JMY: variants seen among roughly 807,000 people sequenced by gnomAD.
JMY encodes the protein junction mediating and regulatory protein, p53 cofactor.
Under a neutral mutation model 103.3 loss-of-function variants are expected in JMY, and 46 were observed. That is an observed-to-expected ratio of 0.45 (90% CI 0.35 to 0.57). The LOEUF is 0.57. Among genes scored for constraint, JMY ranks in the 20% least tolerant of loss-of-function variants. The pLI is 0.00. For synonymous variants in JMY, 526 were observed against 489.3 expected (o/e 1.07, Z -0.99); for missense variants, 1,238 against 1,255.2 (o/e 0.99, Z 0.21).
chr5:79,272,036 C>T (rs890958132), intron 1 of JMY, among the ~76,000 whole-genome samples: 10 of 151,498 alleles, frequency 6.6e-5, no homozygotes, highest in East Asian at 1.9e-4. Flanking sequence ...TGCTTGAACC[C>T]GGGAGGTGGA....
Position 79,237,598 on chromosome 5 carries a change from C to T in JMY, c.948C>T (p.Pro316=), listed in dbSNP as rs762589277. The change falls in exon 1 of 11, where the codon CCC becomes CCT. Residue 316 remains proline, a synonymous_variant. Transcript: ENST00000396137. ...TGCTCTTCACCGAGACCGATGATCC[C>T]GAGGAGTATTACGAAAGCCTCAGCG... is the stretch of plus-strand genomic sequence containing the variant. ...SQVLFTETDD[P]EEYYESLSEL... is the part of the protein sequence containing the mutation. The T allele has an allele frequency of 1.2e-6, 2 of 1,613,684 alleles. No homozygotes were observed. The highest frequency in any genetic ancestry group is 1.7e-6 in the Non-Finnish European group (2 of 1,180,004).
intron 2 of JMY, among the ~76,000 whole-genome samples, chr5:79,280,288 C>T (rs541462032): frequency 6.6e-6 from 1 of 152,196 alleles, no homozygotes; most frequent in Non-Finnish European, 1.5e-5. Flanking sequence ...TAGCACAGCA[C>T]TGACTATCCA....
intron 7 of JMY, among the ~76,000 whole-genome samples, chr5:79,310,116 G>A (rs986398341): frequency 7.6e-5 from 9 of 118,716 alleles, no homozygotes; most frequent in African/African-American, 3.1e-4. Context: ...AGGCTGAAGT[G>A]CAGTGGTGCC....
intron 1 of JMY, 30 bp downstream of exon 1, chr5:79,237,712 T>C (rs927142460): frequency 2.5e-6 from 4 of 1,573,388 alleles, no homozygotes; most frequent in Non-Finnish European, 3.5e-6. Context: ...GTCTGGGCTC[T>C]ACTGGTCGCT....
At chr5:79,260,073 A>G (rs1340572176) in intron 1 of JMY, among the ~76,000 whole-genome samples, 2 of 152,184 alleles carry the variant, frequency 1.3e-5, no homozygotes, top group East Asian at 1.9e-4. Flanking sequence ...AGTGTCTCCC[A>G]GGACAGTGGT....
Position 79,236,999 on chromosome 5 carries a change from C to A in JMY, c.349C>A (p.Arg117=), listed in dbSNP as rs556304176. The A allele has an allele frequency of 6.8e-7, 1 of 1,476,286 alleles. No homozygotes were observed. Among genetic ancestry groups the A allele is most frequent in the South Asian group, 1.4e-5 (1 of 72,138 alleles). The allele number at this position is 1,476,286 out of a possible 1,614,324, so 91.4% of individuals were successfully genotyped here. The change falls in exon 1 of 11, where the codon CGG becomes AGG. Residue 117 remains arginine, a synonymous_variant. Transcript: ENST00000396137. ...SSAWAEGGSP[R]STRSLLGDPR... is the part of the protein sequence containing the mutation. ...GGCCTGGGCGGAGGGCGGCTCTCCTCGGAGCACTCGCAGCCTTCTGGGGGA... is the reference window on the plus strand; with the variant it reads ...GGCCTGGGCGGAGGGCGGCTCTCCTAGGAGCACTCGCAGCCTTCTGGGGGA...
At chr5:79,295,136 T>G (rs147068199) in intron 4 of JMY, among the ~76,000 whole-genome samples, 6 of 152,288 alleles carry the variant, frequency 3.9e-5, no homozygotes, top group African/African-American at 1.2e-4. Flanking sequence ...GGATATGAGC[T>G]TAGGATTTGG....
intron 1 of JMY, among the ~76,000 whole-genome samples, chr5:79,244,041 C>A (rs569554251): frequency 6.6e-6 from 1 of 151,170 alleles, no homozygotes; most frequent in African/African-American, 2.4e-5. Context: ...TGCTCTGTCA[C>A]CCAGGCTGGA....
intron 1 of JMY, among the ~76,000 whole-genome samples, chr5:79,275,371 C>G (rs1207065096): frequency 6.6e-6 from 1 of 152,002 alleles, no homozygotes; most frequent in South Asian, 2.1e-4. Context: ...CCATGTTAGC[C>G]AGGATGTTGT....
In JMY at chr5:79,316,002, A is replaced by C. The variant is rs1747205311; in HGVS notation, c.2662A>C (p.Ser888Arg). 1 of 1,612,802 alleles carries C rather than the reference A, an allele frequency of 6.2e-7. No individual in the cohort carries two copies. The change falls in exon 10 of 11, where the codon AGC (serine) becomes CGC (arginine). Residue 888 changes from serine (S) to arginine (R), a missense_variant and splice_region_variant. Ser to Arg is a moderately radical substitution (Grantham distance 110, BLOSUM62 -1). Transcript: ENST00000396137. ...CTGTTCTGTTTCATTTTCCAAAGTG[A>C]GCTCACCCATGGATGAGGTGCTAGC... is the stretch of plus-strand genomic sequence containing the variant. ...TAEGLQRRRVSSPMDEVLASL... is the reference protein window; with the variant it reads ...TAEGLQRRRVRSPMDEVLASL...
At chr5:79,304,264 C>G (rs1289289858) in intron 6 of JMY, among the ~76,000 whole-genome samples, 1 of 152,088 alleles carries the variant, frequency 6.6e-6, no homozygotes, top group African/African-American at 2.4e-5. Context: ...ATGCAAAACA[C>G]TAAGTCCTAA....
intron 2 of JMY, 71 bp downstream of exon 2, chr5:79,278,154 TC>T: frequency 9.4e-7 from 1 of 1,061,166 alleles, no homozygotes; most frequent in Non-Finnish European, 1.3e-6. Flanking sequence ...CCATGCGTTA[TC>T]CACAAGAGGA....
At chr5:79,288,266 C>T (rs2112095795) in intron 2 of JMY, among the ~76,000 whole-genome samples, 1 of 152,286 alleles carries the variant, frequency 6.6e-6, no homozygotes, top group East Asian at 1.9e-4. Flanking sequence ...GCAGGCTGGA[C>T]TGCTTTCCAT....
Position 79,236,751 on chromosome 5 carries a change from C to T in JMY, c.101C>T (p.Ala34Val). 6.6e-7 allele frequency: 1 copy of T among 1,510,944 alleles called. No individual in the cohort carries two copies. The highest frequency in any genetic ancestry group is 8.9e-7 in the Non-Finnish European group (1 of 1,127,932). 93.6% of individuals were successfully genotyped at this position (1,510,944 alleles called of 1,614,324 possible). A position where few individuals can be genotyped will look rare whatever the true frequency, so the allele number is the denominator to read the frequency against. ...AAACACAAATTCGTCTTTATTGTGGCCTGGAACGAGATTGAGGGCAAGTTT... is the reference window on the plus strand; with the variant it reads ...AAACACAAATTCGTCTTTATTGTGGTCTGGAACGAGATTGAGGGCAAGTTT... ...REKHKFVFIV[A>V]WNEIEGKFAI... Residue 34 changes from alanine to valine, a missense_variant, in exon 1 of 11, where the codon GCC (alanine) becomes GTC (valine). Coordinates refer to ENST00000396137, the MANE Select transcript of JMY (RefSeq NM_152405.5).
intron 6 of JMY, among the ~76,000 whole-genome samples, chr5:79,301,295 T>C (rs1746726838): frequency 6.6e-6 from 1 of 152,230 alleles, no homozygotes; most frequent in Non-Finnish European, 1.5e-5. Flanking sequence ...ATTCTTCCTG[T>C]GTCTTAAAAA....
Position 79,290,219 on chromosome 5 carries a change from T to C in JMY, c.1305T>C (p.Ser435=), listed in dbSNP as rs759582915. The change falls in exon 3 of 11, where the codon TCT becomes TCC. Residue 435 remains serine, a synonymous_variant. Coordinates refer to ENST00000396137, the MANE Select transcript of JMY (RefSeq NM_152405.5). ...GGAAAGCTCACATGGCTGTACTGTC[T>C]ATTCAAGATCTTACTGTCAAGTACT... The part of the protein sequence containing the change: ...WQRKAHMAVL[S]IQDLTVKYFE... 1 of 1,570,622 alleles carries C rather than the reference T, an allele frequency of 6.4e-7. No homozygotes were observed. Among genetic ancestry groups the C allele is most frequent in the South Asian group, 1.2e-5 (1 of 83,222 alleles).
intron 1 of JMY, among the ~76,000 whole-genome samples, chr5:79,249,767 C>G (rs1383744376): frequency 6.6e-6 from 1 of 152,154 alleles, no homozygotes; most frequent in Non-Finnish European, 1.5e-5. Context: ...ATCGTATTTT[C>G]AGTCTCCCTT....
chr5:79,245,596 AGT>A (rs2112045819), intron 1 of JMY, among the ~76,000 whole-genome samples: 1 of 152,232 alleles, frequency 6.6e-6, no homozygotes, highest in African/African-American at 2.4e-5. Context: ...TGATAGGCAC[AGT>A]GTGGCAAGGG....
intron 2 of JMY, among the ~76,000 whole-genome samples, chr5:79,288,092 C>A (rs1746318164): frequency 6.6e-6 from 1 of 152,198 alleles, no homozygotes; most frequent in Admixed American, 6.5e-5. Context: ...AAGATGAAGT[C>A]TAAATATGTC....
Sources: allele counts gnomAD v4.1 joint callset (sites outside exome capture counted in the v4.1 genomes callset), GRCh38; gene constraint gnomAD v4.1.1; transcripts MANE v1.5; gene names NCBI Gene and HGNC (gene_info 2026-07-23, HGNC 2026-07-21).